Variants in SYT17 observed in about 807,000 individuals in gnomAD.
The protein encoded by SYT17 is synaptotagmin-17.
A neutral mutation model predicts 46.7 loss-of-function variants in SYT17; 22 were observed. The observed-to-expected ratio is 0.47, with a 90% CI of 0.34 to 0.67. The LOEUF is 0.67. Ranked by LOEUF, SYT17 falls within the 30% of genes least tolerant of loss-of-function variation. SYT17 has a pLI of 0.01. For synonymous variants in SYT17, 251 were observed against 248.4 expected (o/e 1.01, Z -0.10); for missense variants, 519 against 612.8 (o/e 0.85, Z 1.62).
At chr16:19,266,240 T>A (rs758012043) in intron 7 of SYT17, among the ~76,000 whole-genome samples, 21 of 152,212 alleles carry the variant, frequency 1.4e-4, no homozygotes, top group Admixed American at 1.3e-4. Flanking sequence ...GCCCATGGCT[T>A]AACCTAGTGG....
chr16:19,236,396 C>T (rs574539744), intron 7 of SYT17, among the ~76,000 whole-genome samples: 14 of 152,206 alleles, frequency 9.2e-5, no homozygotes, highest in Non-Finnish European at 1.3e-4. Flanking sequence ...AGCTTAGGGA[C>T]GGGAAGTGCA....
chr16:19,208,518 C>G (rs542004207), intron 5 of SYT17, among the ~76,000 whole-genome samples: 4 of 152,258 alleles, frequency 2.6e-5, no homozygotes, highest in African/African-American at 9.6e-5. Flanking sequence ...TGAGAACTCA[C>G]TCACTGTTAT....
intron 7 of SYT17, among the ~76,000 whole-genome samples, chr16:19,251,975 C>A (rs770317900): frequency 6.6e-6 from 1 of 151,864 alleles, no homozygotes; most frequent in Non-Finnish European, 1.5e-5. Flanking sequence ...TTTGGGAGGC[C>A]GAGGCAGGCA....
intron 7 of SYT17, among the ~76,000 whole-genome samples, chr16:19,249,306 A>ATAAATAAATAAG (rs1474122495): frequency 7.5e-4 from 113 of 151,164 alleles, no homozygotes; most frequent in Admixed American, 1.4e-3. Flanking sequence ...AAATAAATAA[A>ATAAATAAATAAG]TAAGTAAATA....
intron 7 of SYT17, among the ~76,000 whole-genome samples, chr16:19,237,800 T>C (rs999777743): frequency 3.3e-5 from 5 of 152,192 alleles, no homozygotes; most frequent in Admixed American, 1.3e-4. Context: ...AGCCCTACTT[T>C]GGGGCTCATC....
chr16:19,231,523 CAAA>C (rs143448107), intron 7 of SYT17, among the ~76,000 whole-genome samples: 11 of 45,850 alleles, frequency 2.4e-4, no homozygotes, highest in Admixed American at 1.0e-3. Context: ...AACTCCATCA[CAAA>C]AAAAAAAAAA....
chr16:19,223,560 T>C (rs1433339735), intron 6 of SYT17, among the ~76,000 whole-genome samples: 1 of 152,224 alleles, frequency 6.6e-6, no homozygotes, highest in Non-Finnish European at 1.5e-5. Flanking sequence ...TGAAAAGACT[T>C]GTATTTAAAG....
chr16:19,196,708 C>A (rs1544354), intron 5 of SYT17, among the ~76,000 whole-genome samples: 36,035 of 152,090 alleles, frequency 0.24, 4,670 homozygotes, highest in Middle Eastern at 0.32. Flanking sequence ...TTTGTTACAA[C>A]TGGTAAACCT....
chr16:19,266,267 A>G (rs1411653309), intron 7 of SYT17, among the ~76,000 whole-genome samples: 1 of 152,214 alleles, frequency 6.6e-6, no homozygotes, highest in Admixed American at 6.5e-5. Flanking sequence ...TTTGGGATGC[A>G]TTGGCCTCCG....
intron 7 of SYT17, among the ~76,000 whole-genome samples, chr16:19,260,528 A>AAAG (rs1968902057): frequency 7.7e-6 from 1 of 130,356 alleles, no homozygotes; most frequent in Non-Finnish European, 1.7e-5. Context: ...AAAAAAAAAA[A>AAAG]GGAAAGAAAA....
At chr16:19,231,665 G>A (rs564151811) in intron 7 of SYT17, among the ~76,000 whole-genome samples, 67 of 151,936 alleles carry the variant, frequency 4.4e-4, no homozygotes, top group African/African-American at 1.5e-3. Context: ...CTTGCTGGCC[G>A]CCTGTTATGG....
In SYT17 at chr16:19,237,331, A is replaced by G. The variant is rs1966862452; in HGVS notation, c.1228+12493A>G. On this transcript the variant is annotated intron_variant, in intron 7 of 7. Transcript: ENST00000355377. ...TCTGTATTCTAATAAGTTCCAGGTG[A>G]CACCTGTGCTGGTCTGAGACCCACA... is the stretch of plus-strand genomic sequence containing the variant. Among the ~76,000 whole-genome samples the G allele has an allele frequency of 1.3e-5, 2 of 152,126 alleles. 1 individual carries two copies. Among genetic ancestry groups the G allele is most frequent in the African/African-American group, 4.8e-5 (2 of 41,422 alleles).
chr16:19,255,338 T>C (rs1043462685), intron 7 of SYT17, among the ~76,000 whole-genome samples: 23 of 152,172 alleles, frequency 1.5e-4, no homozygotes, highest in Admixed American at 1.0e-3. Flanking sequence ...GGATTATTCT[T>C]CACTGTAGGG....
Position 19,267,106 on chromosome 16 carries a change from T to TAAAA in SYT17, c.*30_*31insAAAA. ...TGCAGGGAAGGCAGCTTTCATTTGT[T>TAAAA]TAAAAAAAAAAAAAAAAGACGGAAA... On this transcript the variant is annotated 3_prime_UTR_variant, in exon 8 of 8. Transcript: ENST00000355377. The TAAAA allele has an allele frequency of 4.4e-6, 5 of 1,143,544 alleles. No individual in the cohort carries two copies. In the South Asian group the frequency reaches 8.9e-5, roughly 20 times the overall value. The allele number at this position is 1,143,544 out of a possible 1,614,324, so 70.8% of individuals were successfully genotyped here. A position where few individuals can be genotyped will look rare whatever the true frequency, so the allele number is the denominator to read the frequency against.
At chr16:19,209,285 T>C (rs146925087) in intron 5 of SYT17, among the ~76,000 whole-genome samples, 150 of 152,220 alleles carry the variant, frequency 9.9e-4, no homozygotes, top group African/African-American at 3.6e-3. Flanking sequence ...TGAATAATAG[T>C]ATCCATAATA....
intron 7 of SYT17, among the ~76,000 whole-genome samples, chr16:19,234,023 C>G (rs1173715911): frequency 6.6e-6 from 1 of 152,110 alleles, no homozygotes; most frequent in Non-Finnish European, 1.5e-5. Flanking sequence ...CAGTTTGGTT[C>G]AAATTTCACC....
intron 7 of SYT17, among the ~76,000 whole-genome samples, chr16:19,242,993 TTC>T (rs2088396874): frequency 6.6e-6 from 1 of 152,172 alleles, no homozygotes; most frequent in Non-Finnish European, 1.5e-5. Flanking sequence ...GGGTGTAATT[TTC>T]TCTCTCTTCC....
intron 7 of SYT17, among the ~76,000 whole-genome samples, chr16:19,245,623 C>G (rs1374251798): frequency 6.6e-6 from 1 of 152,208 alleles, no homozygotes; most frequent in African/African-American, 2.4e-5. Flanking sequence ...AGATCCAGAG[C>G]ATGCTGAGTG....
rs1963962784 is a variant in SYT17 at position 19,168,711 on chromosome 16, C to T, written c.15+50C>T. On this transcript the variant is annotated intron_variant, in intron 1 of 7. Transcript: ENST00000355377. The surrounding 1 kb of genome is among the most constrained non-coding windows in gnomAD (Gnocchi z 6.9). ...TCCGGGGTGCGGGTAGGGGGTGCCG[C>T]GCCCCCTCCGGCTGGGAGCGCGCGG... 1 of 1,433,526 alleles carries T rather than the reference C, an allele frequency of 7.0e-7. No homozygotes were observed. 88.8% of individuals were successfully genotyped at this position (1,433,526 alleles called of 1,614,324 possible).
Sources: gnomAD v4.1 joint callset for allele counts (sites outside exome capture counted in the v4.1 genomes callset) on GRCh38, gnomAD v4.1.1 for gene constraint, Gnocchi (gnomAD v3.1) non-coding constraint, MANE v1.5 for transcripts, NCBI Gene and HGNC (gene_info 2026-07-23, HGNC 2026-07-21) for gene names.